ADAMTSL3: variants seen among roughly 807,000 people sequenced by gnomAD.
ADAMTSL3 encodes the protein ADAMTS like 3, also known as ADAMTS-like protein 3.
ADAMTSL3 carries 128 observed loss-of-function variants against 201.7 expected under a neutral mutation model. The ratio of observed to expected loss-of-function variants is 0.63; its 90% CI spans 0.55 to 0.73. The LOEUF is 0.73. Ranked by LOEUF, ADAMTSL3 falls within the 30% of genes least tolerant of loss-of-function variation. ADAMTSL3 has a pLI of 0.00. For synonymous variants in ADAMTSL3, 738 were observed against 748.4 expected (o/e 0.99, Z 0.23); for missense variants, 1,990 against 2,119.6 (o/e 0.94, Z 1.20).
At chr15:83,914,851 TTGTTTG>T (rs1474287063) in intron 16 of ADAMTSL3, among the ~76,000 whole-genome samples, 1 of 21,998 alleles carries the variant, frequency 4.5e-5, no homozygotes, top group Non-Finnish European at 7.0e-5. Context: ...TTGTTTGGTT[TTGTTTG>T]TTTGTTTGTT....
intron 23 of ADAMTSL3, 125 bp downstream of exon 23, chr15:83,991,339 A>G: frequency 7.1e-7 from 1 of 1,402,536 alleles, no homozygotes; most frequent in Non-Finnish European, 9.8e-7. Flanking sequence ...GCTTAAAAAA[A>G]AGATTTTCCA....
chr15:84,005,845 T>A (rs1219710965), intron 23 of ADAMTSL3, among the ~76,000 whole-genome samples: 1 of 152,172 alleles, frequency 6.6e-6, no homozygotes, highest in African/African-American at 2.4e-5. Flanking sequence ...GGGAACAGAT[T>A]ATGTCAATCT....
At chr15:83,715,169 A>G (rs546380994) in intron 3 of ADAMTSL3, among the ~76,000 whole-genome samples, 1 of 152,262 alleles carries the variant, frequency 6.6e-6, no homozygotes, top group African/African-American at 2.4e-5. Flanking sequence ...AGAAAACACA[A>G]TGCAGGATGT....
chr15:83,823,955 CTTCTTCTTCTT>C (rs2063951188), intron 6 of ADAMTSL3, among the ~76,000 whole-genome samples: 2 of 89,394 alleles, frequency 2.2e-5, no homozygotes, highest in African/African-American at 3.6e-5. Flanking sequence ...TCTTCTTCTT[CTTCTTCTTCTT>C]CTTCTTCTCC....
rs564557756 is a variant in ADAMTSL3, at chr15:83,841,547, T to C, written c.727+3332T>C. Among the ~76,000 whole-genome samples, 4 of 152,250 alleles carry C rather than the reference T, an allele frequency of 2.6e-5. No individual in the cohort carries two copies. In the South Asian group the frequency reaches 8.3e-4, roughly 32 times the overall value. ...TATCAGGATTTAAAAGATCAATCCATGTTGAGAACTCCAAATAGCGTAGTA... is the reference window on the plus strand; with the variant it reads ...TATCAGGATTTAAAAGATCAATCCACGTTGAGAACTCCAAATAGCGTAGTA... On this transcript the variant is annotated intron_variant, in intron 7 of 29. Transcript: ENST00000286744.
chr15:83,947,549 A>G (rs530028363), intron 19 of ADAMTSL3, among the ~76,000 whole-genome samples: 1 of 152,332 alleles, frequency 6.6e-6, no homozygotes, highest in South Asian at 2.1e-4. Context: ...TACCCCTTGT[A>G]GCCTGTTTTG....
Position 83,736,374 on chromosome 15 carries a change from C to T in ADAMTSL3, c.189+31866C>T, listed in dbSNP as rs537505492. The stretch of plus-strand genomic sequence containing the variant: ...ACAGCTAATAATTCTGCATCTACTT[C>T]ATCGCATATGGCAAATCTCATGAAA... On this transcript the variant is annotated intron_variant, in intron 3 of 29. Coordinates refer to ENST00000286744, the MANE Select transcript of ADAMTSL3 (RefSeq NM_207517.3). 1.5e-4 allele frequency among the ~76,000 whole-genome samples: 23 copies of T among 152,328 alleles called. No individual in the cohort carries two copies. The East Asian group carries it at 4.2e-3, about 28-fold the overall frequency.
At chr15:83,714,900 T>C (rs374534493) in intron 3 of ADAMTSL3, among the ~76,000 whole-genome samples, 1,052 of 57,992 alleles carry the variant, frequency 0.018, 31 homozygotes, top group Non-Finnish European at 0.025. Context: ...CTTCCTTCCT[T>C]CCTTCCTTCC....
chr15:83,969,214 G>A (rs1470055518), intron 19 of ADAMTSL3, among the ~76,000 whole-genome samples: 1 of 152,160 alleles, frequency 6.6e-6, no homozygotes, highest in Non-Finnish European at 1.5e-5. Context: ...GGGAGGCCGA[G>A]GCAGGTGGAT....
At chr15:83,922,156 C>A (rs2066158753) in intron 16 of ADAMTSL3, among the ~76,000 whole-genome samples, 1 of 151,974 alleles carries the variant, frequency 6.6e-6, no homozygotes, top group African/African-American at 2.4e-5. Context: ...AATGCTTAAT[C>A]AGATCTTTTA....
intron 2 of ADAMTSL3, among the ~76,000 whole-genome samples, chr15:83,700,086 A>G (rs1413739119): frequency 6.6e-6 from 1 of 152,222 alleles, no homozygotes; most frequent in Non-Finnish European, 1.5e-5. Flanking sequence ...TGTGCCAGGC[A>G]TATATTAGGT....
intron 3 of ADAMTSL3, among the ~76,000 whole-genome samples, chr15:83,714,847 T>G (rs1313625009): frequency 2.1e-5 from 2 of 96,078 alleles, no homozygotes; most frequent in Non-Finnish European, 4.1e-5. Flanking sequence ...TCTTTCTCTC[T>G]CTTTCCCTCC....
intron 15 of ADAMTSL3, among the ~76,000 whole-genome samples, chr15:83,909,604 A>C (rs1266150059): frequency 1.3e-5 from 2 of 151,992 alleles, no homozygotes; most frequent in African/African-American, 4.8e-5. Flanking sequence ...GTGCACCATC[A>C]ATGAGTGGTT....
At chr15:83,949,118 C>T (rs1339053238) in intron 19 of ADAMTSL3, among the ~76,000 whole-genome samples, 1 of 152,074 alleles carries the variant, frequency 6.6e-6, no homozygotes, top group Non-Finnish European at 1.5e-5. Context: ...TTCTTTCTAA[C>T]TATTTTTTGT....
Position 83,654,772 on chromosome 15 carries a change from C to T in ADAMTSL3, c.-34+496C>T, listed in dbSNP as rs139518166. On this transcript the variant is annotated intron_variant, in intron 1 of 29. Coordinates refer to ENST00000286744, the MANE Select transcript of ADAMTSL3 (RefSeq NM_207517.3). The surrounding 1 kb of genome is among the most constrained non-coding windows in gnomAD (Gnocchi z 5.3). The stretch of plus-strand genomic sequence containing the variant: ...GCGGGTAGTCGGAGGAGTGTGCACT[C>T]GGAAGGCTGGTGCGAGCAGGCGAGG... Among the ~76,000 whole-genome samples, 591 of 152,204 alleles carry T rather than the reference C, an allele frequency of 3.9e-3. 4 individuals carry two copies. The highest frequency in any genetic ancestry group is 0.014 in the African/African-American group (570 of 41,548).
At chr15:83,924,756 C>T (rs2066217276) in intron 17 of ADAMTSL3, among the ~76,000 whole-genome samples, 2 of 152,180 alleles carry the variant, frequency 1.3e-5, no homozygotes, top group Admixed American at 1.3e-4. Context: ...CAAGACCTTT[C>T]TGAATATAGC....
intron 9 of ADAMTSL3, among the ~76,000 whole-genome samples, chr15:83,879,398 C>G (rs912544565): frequency 6.6e-6 from 1 of 151,966 alleles, no homozygotes; most frequent in African/African-American, 2.4e-5. Flanking sequence ...CTATAAATTT[C>G]TCTCAATGCA....
At chr15:83,929,472 GAC>G (rs2066309739) in intron 17 of ADAMTSL3, among the ~76,000 whole-genome samples, 1 of 151,996 alleles carries the variant, frequency 6.6e-6, no homozygotes, top group Non-Finnish European at 1.5e-5. Context: ...TTTTCATAAG[GAC>G]ATCACTTATA....
intron 4 of ADAMTSL3, among the ~76,000 whole-genome samples, chr15:83,797,395 T>C (rs2063443676): frequency 6.6e-6 from 1 of 152,112 alleles, no homozygotes; most frequent in Admixed American, 6.6e-5. Context: ...CGCGGATCAC[T>C]TGCGGTCAGG....
Sources: allele counts gnomAD v4.1 joint callset (sites outside exome capture counted in the v4.1 genomes callset), GRCh38; gene constraint gnomAD v4.1.1; non-coding constraint Gnocchi (gnomAD v3.1); transcripts MANE v1.5; gene names NCBI Gene and HGNC (gene_info 2026-07-23, HGNC 2026-07-21).